The following CCDC66 variants were observed in gnomAD, a reference collection of about 807,000 sequenced individuals.
The protein encoded by CCDC66 is coiled-coil domain-containing protein 66.
A neutral mutation model predicts 128.3 loss-of-function variants in CCDC66; 133 were observed. The ratio of observed to expected loss-of-function variants is 1.04; its 90% confidence interval spans 0.90 to 1.20. The LOEUF is 1.20. CCDC66 is among the 50% of genes most tolerant of loss of function. The pLI is 0.00. For missense variants in CCDC66, 1,126 were observed against 1,075.5 expected, an observed-to-expected ratio of 1.05 and a Z score of -0.66; for synonymous variants, 387 against 357.0, an observed-to-expected ratio of 1.08 and a Z score of -0.95.
intron 10 of CCDC66, among the ~76,000 whole-genome samples, chr3:56,601,878 A>G (rs1047836422): frequency 2.6e-5 from 4 of 152,200 alleles, no homozygotes; most frequent in South Asian, 4.1e-4. Flanking sequence ...GGCTGAGACA[A>G]TGGGGTTTTC....
At chr3:56,613,860 A>G in intron 11 of CCDC66, 110 bp downstream of exon 11, 3 of 844,484 alleles carry the variant, frequency 3.6e-6, no homozygotes, top group Non-Finnish European at 5.6e-6. Flanking sequence ...AGCTCACTGC[A>G]GTCTTGACCT....
chr3:56,566,562 G>A, intron 4 of CCDC66, 32 bp from the exon 5 acceptor site: 1 of 1,380,578 alleles, frequency 7.2e-7, no homozygotes, highest in Non-Finnish European at 1.0e-6. Flanking sequence ...GTAATTTAGT[G>A]TTAATTTTAA....
chr3:56,559,068 A>G (rs750292033), intron 2 of CCDC66, among the ~76,000 whole-genome samples, 158 bp downstream of exon 2: 1 of 152,214 alleles, frequency 6.6e-6, no homozygotes, highest in Non-Finnish European at 1.5e-5. Context: ...TTCTAGCCAA[A>G]TAAAATCAGA....
In CCDC66 at chr3:56,593,630, A is replaced by G. The variant is rs1034241208; in HGVS notation, c.1208A>G (p.Asp403Gly). ...TCTCCTGACACTCAGGAGCTGGCTG[A>G]TGTCAGCAGTGTTTGTACACCTACA... Reference protein sequence around the residue: ...CVSPDTQELADVSSVCTPTTG... With the variant: ...CVSPDTQELAGVSSVCTPTTG... The change falls in exon 9 of 18, where the codon GAT becomes GGT. Residue 403 changes from aspartate (D) to glycine (G), a missense_variant. Physicochemically the swap from Asp to Gly is moderately conservative, Grantham distance 94. Transcript: ENST00000394672. 23 of 1,614,094 alleles carry G rather than the reference A, an allele frequency of 1.4e-5. No homozygotes were observed. Among genetic ancestry groups the G allele is most frequent in the Non-Finnish European group, 1.9e-5 (23 of 1,180,036 alleles).
chr3:56,567,503 A>G (rs1164147138), intron 6 of CCDC66, among the ~76,000 whole-genome samples: 2 of 152,232 alleles, frequency 1.3e-5, no homozygotes. Context: ...AGGCAAATTA[A>G]TAAAAGGCAT....
At position 56,617,290 on chromosome 3, in the gene CCDC66, C is replaced by T; in HGVS notation, c.2022C>T (p.Asn674=). ...QDKGASLEKE[N]NRCNDQCNQF... ...AAGGAGCCAGCTTAGAAAAAGAAAA[C>T]AATCGGTGTAATGACCAGTGTAATC... The change falls in exon 14 of 18, where the codon AAC becomes AAT. Residue 674 remains asparagine, a synonymous_variant. Coordinates refer to ENST00000394672, the MANE Select transcript of CCDC66 (RefSeq NM_001141947.3). 1 of 1,613,044 alleles carries T rather than the reference C, an allele frequency of 6.2e-7. No homozygotes were observed. Among genetic ancestry groups the T allele is most frequent in the Non-Finnish European group, 8.5e-7 (1 of 1,179,732 alleles).
At position 56,568,705 on chromosome 3, in the gene CCDC66, A is replaced by G. The variant is rs186543715; in HGVS notation, c.814+1652A>G. 1.5e-3 allele frequency among the ~76,000 whole-genome samples: 234 copies of G among 152,358 alleles called. 1 individual carries two copies. Among genetic ancestry groups the G allele is most frequent in the African/African-American group, 5.4e-3 (226 of 41,586 alleles). ...AAACTAATTGATTTCACTTTTTTAA[A>G]TAACCAAAACATTCTAATGAAGAAG... On this transcript the variant is annotated intron_variant, in intron 6 of 17. Coordinates refer to ENST00000394672, the MANE Select transcript of CCDC66 (RefSeq NM_001141947.3).
rs2107337332 is a variant in CCDC66, at chr3:56,613,588, G to C, written c.1405-1G>C. 6.2e-7 allele frequency: 1 copy of C among 1,608,618 alleles called. No homozygotes were observed. On this transcript the variant is annotated splice_acceptor_variant, in intron 10 of 17. Coordinates refer to ENST00000394672, the MANE Select transcript of CCDC66 (RefSeq NM_001141947.3). LOFTEE classifies it high-confidence loss of function. ...TGATTTACGTGATTGCTTATGACTA[G>C]AAAGCCATCACTGCCCAGGTAGAAG...
chr3:56,585,579 A>G (rs2069542483), intron 7 of CCDC66, among the ~76,000 whole-genome samples: 2 of 151,872 alleles, frequency 1.3e-5, no homozygotes, highest in Admixed American at 1.3e-4. Context: ...TTGAAGGTAT[A>G]TCATAATAAG....
chr3:56,602,711 G>GT (rs2073392406), intron 10 of CCDC66, among the ~76,000 whole-genome samples: 1 of 151,650 alleles, frequency 6.6e-6, no homozygotes, highest in Non-Finnish European at 1.5e-5. Flanking sequence ...TTGGGAGGGT[G>GT]TATGTGTCCA....
intron 7 of CCDC66, among the ~76,000 whole-genome samples, chr3:56,574,741 G>A (rs994299772): frequency 6.6e-5 from 10 of 151,702 alleles, no homozygotes; most frequent in African/African-American, 2.4e-4. Context: ...GGCTGAACAG[G>A]CACAGTCATG....
Position 56,619,870 on chromosome 3 carries a change from C to CA in CCDC66, c.2731dup (p.Ile911AsnfsTer3), listed in dbSNP as rs1399025680. 2 of 1,614,034 alleles carry CA rather than the reference C, an allele frequency of 1.2e-6. No individual in the cohort carries two copies. The highest frequency in any genetic ancestry group is 3.3e-5 in the Admixed American group (2 of 60,008). ...GTGAAAAATAGGGATCGACAGCAAG[C>CA]AATCCTTAAGGGACTTTCAGAACTG... On this transcript the variant is annotated frameshift_variant, in exon 17 of 18. Transcript: ENST00000394672. LOFTEE classifies it high-confidence loss of function.
intron 6 of CCDC66, among the ~76,000 whole-genome samples, chr3:56,568,672 T>G (rs1245821023): frequency 6.6e-6 from 1 of 152,230 alleles, no homozygotes. Context: ...TAAGGATGGT[T>G]TTACTAAAAA....
chr3:56,594,135 G>GT, intron 10 of CCDC66, 107 bp downstream of exon 10: 1 of 983,844 alleles, frequency 1.0e-6, no homozygotes, highest in Non-Finnish European at 1.6e-6. Flanking sequence ...TTACAGCATA[G>GT]GTCCTGTCCA....
chr3:56,621,592 GAA>G lies in CCDC66; in HGVS notation c.2822_2823del (p.Glu941GlyfsTer18), dbSNP rs1491578543. 3 of 1,598,850 alleles carry G rather than the reference GAA, an allele frequency of 1.9e-6. No individual in the cohort carries two copies. Among genetic ancestry groups the G allele is most frequent in the African/African-American group, 2.7e-5 (2 of 74,378 alleles). On this transcript the variant is annotated frameshift_variant, in exon 18 of 18. Coordinates refer to ENST00000394672, the MANE Select transcript of CCDC66 (RefSeq NM_001141947.3). LOFTEE classifies it high-confidence loss of function. The part of the protein sequence containing the change: ...SSLLPLAENQ[E>X]ESFGSSF ...TCTCCTGCCTTTAGCTGAAAATCAAGAAGAGAGTTTTGGTTCTTCATTTTAAA... is the reference window on the plus strand; with the variant it reads ...TCTCCTGCCTTTAGCTGAAAATCAAGGAGAGTTTTGGTTCTTCATTTTAAA...
At chr3:56,621,501 T>G (rs2076624393) in intron 17 of CCDC66, 31 bp from the exon 18 acceptor site, 1 of 1,407,496 alleles carries the variant, frequency 7.1e-7, no homozygotes, top group African/African-American at 1.4e-5. Flanking sequence ...GTGCACATTT[T>G]ACTAACAAAC....
At chr3:56,576,319 GGTTAA>G (rs1357241553) in intron 7 of CCDC66, among the ~76,000 whole-genome samples, 1 of 144,752 alleles carries the variant, frequency 6.9e-6, no homozygotes, top group Non-Finnish European at 1.5e-5. Context: ...TTATTGTTTT[GGTTAA>G]GTTTATTCCT....
intron 14 of CCDC66, 181 bp downstream of exon 14, chr3:56,617,786 G>A: frequency 1.5e-6 from 1 of 657,392 alleles, no homozygotes; most frequent in South Asian, 2.1e-5. Flanking sequence ...TACGAACATA[G>A]TCAACTCATT....
chr3:56,584,885 C>T (rs2069333644), intron 7 of CCDC66, among the ~76,000 whole-genome samples: 1 of 151,970 alleles, frequency 6.6e-6, no homozygotes, highest in Admixed American at 6.6e-5. Flanking sequence ...CGGTTAGGAG[C>T]TGCAGACCAG....
Sources: gnomAD v4.1 joint callset for allele counts (sites outside exome capture counted in the v4.1 genomes callset) on GRCh38, gnomAD v4.1.1 for gene constraint, MANE v1.5 for transcripts, NCBI Gene and HGNC (gene_info 2026-07-23, HGNC 2026-07-21) for gene names.